Variants in DLC1 observed in about 807,000 individuals in gnomAD.
DLC1 encodes DLC1 Rho GTPase activating protein, also known as rho GTPase-activating protein 7.
A neutral mutation model predicts 140.3 loss-of-function variants in DLC1; 54 were observed. The ratio of observed to expected loss-of-function variants is 0.38; its 90% CI spans 0.31 to 0.48. The LOEUF (loss-of-function observed/expected upper bound fraction) is 0.48, where lower values mean the gene tolerates loss of function less well. Among genes scored for constraint, DLC1 ranks in the 20% least tolerant of loss-of-function variants. The pLI, the probability that DLC1 is intolerant of heterozygous loss-of-function variation, is 0.96. For synonymous variants in DLC1, 986 were observed against 728.1 expected, an observed-to-expected ratio of 1.35 and a Z score of -5.70; for missense variants, 2,536 against 1,907.0, an observed-to-expected ratio of 1.33 and a Z score of -6.14.
At chr8:13,489,265 T>G (rs1279801302) in intron 2 of DLC1, among the ~76,000 whole-genome samples, 3 of 152,130 alleles carry the variant, frequency 2.0e-5, no homozygotes, top group Non-Finnish European at 4.4e-5. Flanking sequence ...TATTTAATGA[T>G]AAAACTTGAT....
chr8:13,347,882 T>C (rs367959413), intron 4 of DLC1, among the ~76,000 whole-genome samples: 10 of 152,052 alleles, frequency 6.6e-5, no homozygotes, highest in Admixed American at 2.0e-4. Flanking sequence ...AAGGTCAGGA[T>C]ATCGAGACCA....
chr8:13,438,553 A>C (rs1839225496), intron 2 of DLC1, among the ~76,000 whole-genome samples: 1 of 152,088 alleles, frequency 6.6e-6, no homozygotes, highest in African/African-American at 2.4e-5. Flanking sequence ...AGTTGTTGCG[A>C]TCTGGCCGTG....
At chr8:13,328,234 A>C (rs1276105284) in intron 4 of DLC1, among the ~76,000 whole-genome samples, 2 of 152,194 alleles carry the variant, frequency 1.3e-5, no homozygotes, top group African/African-American at 2.4e-5. Context: ...TATATCTGGA[A>C]GAAGGGGATG....
At chr8:13,269,027 C>T (rs1215883837) in intron 5 of DLC1, among the ~76,000 whole-genome samples, 2 of 151,942 alleles carry the variant, frequency 1.3e-5, no homozygotes, top group Admixed American at 6.6e-5. Context: ...GCACCCGCCA[C>T]CACGCCTGGC....
chr8:13,257,209 C>T (rs1830267310), intron 5 of DLC1, among the ~76,000 whole-genome samples: 1 of 146,872 alleles, frequency 6.8e-6, no homozygotes, highest in Non-Finnish European at 1.5e-5. Flanking sequence ...ACTACATATG[C>T]TTATCATAAA....
chr8:13,417,275 T>C (rs929216535), intron 2 of DLC1, among the ~76,000 whole-genome samples: 1 of 151,956 alleles, frequency 6.6e-6, no homozygotes, highest in Non-Finnish European at 1.5e-5. Context: ...TAGTTACATA[T>C]GTATACATGT....
At chr8:13,407,585 G>A (rs1170905536) in intron 2 of DLC1, among the ~76,000 whole-genome samples, 5 of 152,174 alleles carry the variant, frequency 3.3e-5, no homozygotes, top group African/African-American at 1.2e-4. Flanking sequence ...ATACCCAGAT[G>A]CTTCCAAATA....
chr8:13,433,863 T>G (rs551655365), intron 2 of DLC1, among the ~76,000 whole-genome samples: 188 of 152,342 alleles, frequency 1.2e-3, no homozygotes, highest in Non-Finnish European at 2.0e-3. Context: ...GGTTTGGTTT[T>G]GTTTTTCTTG....
At chr8:13,272,106 T>C (rs1455313953) in intron 5 of DLC1, among the ~76,000 whole-genome samples, 1 of 152,228 alleles carries the variant, frequency 6.6e-6, no homozygotes, top group African/African-American at 2.4e-5. Flanking sequence ...AAAGTCAATG[T>C]CATTGATACT....
intron 2 of DLC1, among the ~76,000 whole-genome samples, chr8:13,436,438 G>A (rs533767755): frequency 6.6e-6 from 1 of 152,278 alleles, no homozygotes; most frequent in African/African-American, 2.4e-5. Flanking sequence ...AACCTTGTTA[G>A]TGGACCAAAA....
intron 8 of DLC1, among the ~76,000 whole-genome samples, chr8:13,102,307 T>G (rs1457757761): frequency 6.6e-6 from 1 of 152,210 alleles, no homozygotes; most frequent in African/African-American, 2.4e-5. Context: ...ATCTCCTGCC[T>G]TCTCCTCTTC....
At chr8:13,561,136 G>C (rs539892769) in intron 1 of DLC1, among the ~76,000 whole-genome samples, 91 of 89,474 alleles carry the variant, frequency 1.0e-3, no homozygotes, top group African/African-American at 3.6e-3. Flanking sequence ...TTTTTTTTTT[G>C]AGACAGAAAT....
At chr8:13,347,712 C>G (rs78620748) in intron 4 of DLC1, among the ~76,000 whole-genome samples, 4,454 of 152,204 alleles carry the variant, frequency 0.029, 226 homozygotes, top group African/African-American at 0.1. Context: ...CAGTCTCTCT[C>G]CTATATGGGC....
At chr8:13,310,567 T>C (rs1034283238) in intron 4 of DLC1, among the ~76,000 whole-genome samples, 1 of 152,178 alleles carries the variant, frequency 6.6e-6, no homozygotes, top group East Asian at 1.9e-4. Flanking sequence ...GGATTCACAT[T>C]TTTTGGGAAG....
chr8:13,279,250 T>A (rs1019989008), intron 5 of DLC1, among the ~76,000 whole-genome samples: 1 of 152,184 alleles, frequency 6.6e-6, no homozygotes, highest in Non-Finnish European at 1.5e-5. Flanking sequence ...ACACACTGTT[T>A]AACAGTAGAG....
At chr8:13,404,310 G>C (rs984232669) in intron 2 of DLC1, among the ~76,000 whole-genome samples, 13 of 152,034 alleles carry the variant, frequency 8.6e-5, no homozygotes, top group Admixed American at 6.5e-5. Context: ...ATACTCCCCT[G>C]ACCCATTTCA....
intron 1 of DLC1, among the ~76,000 whole-genome samples, chr8:13,529,110 T>C (rs910572470): frequency 2.6e-5 from 4 of 152,140 alleles, no homozygotes; most frequent in African/African-American, 7.2e-5. Flanking sequence ...GCGAACAGAA[T>C]AAGTGAATTA....
chr8:13,216,704 T>TGTC (rs1287909139), intron 5 of DLC1, among the ~76,000 whole-genome samples: 3 of 152,162 alleles, frequency 2.0e-5, no homozygotes, highest in African/African-American at 7.2e-5. Context: ...GTACAGTTTG[T>TGTC]GTCAACTGAT....
intron 5 of DLC1, among the ~76,000 whole-genome samples, chr8:13,282,495 A>G (rs1831398015): frequency 6.6e-6 from 1 of 152,228 alleles, no homozygotes; most frequent in African/African-American, 2.4e-5. Flanking sequence ...CACCAAAAAT[A>G]ATGTAAAAAA....
Sources: gnomAD v4.1 joint callset for allele counts (sites outside exome capture counted in the v4.1 genomes callset) on GRCh38, gnomAD v4.1.1 for gene constraint, MANE v1.5 for transcripts, NCBI Gene and HGNC (gene_info 2026-07-23, HGNC 2026-07-21) for gene names.